The following CD86 variants were observed in gnomAD, a reference collection of about 807,000 sequenced individuals.
CD86 encodes CD86 molecule.
Under a neutral mutation model 32.1 loss-of-function variants are expected in CD86, and 11 were observed. The ratio of observed to expected loss-of-function variants is 0.34; its 90% CI spans 0.22 to 0.57. CD86 has a LOEUF of 0.57. Among genes scored for constraint, CD86 ranks in the 20% least tolerant of loss-of-function variants. CD86 has a pLI of 0.86. For synonymous variants in CD86, 137 were observed against 135.3 expected (o/e 1.01, Z -0.09); for missense variants, 359 against 398.4 (o/e 0.90, Z 0.84).
intron 2 of CD86, among the ~76,000 whole-genome samples, chr3:122,096,291 T>C (rs956918146): frequency 6.6e-6 from 1 of 152,216 alleles, no homozygotes; most frequent in African/African-American, 2.4e-5. Context: ...GTGCCCAGGC[T>C]GGTCTTGAAC....
intron 1 of CD86, among the ~76,000 whole-genome samples, chr3:122,077,216 A>T (rs977476551): frequency 6.6e-6 from 1 of 152,166 alleles, no homozygotes; most frequent in Non-Finnish European, 1.5e-5. Context: ...CTGGGGGAGG[A>T]TCACATACGA....
At chr3:122,088,193 T>C (rs2072755941) in intron 1 of CD86, among the ~76,000 whole-genome samples, 1 of 151,368 alleles carries the variant, frequency 6.6e-6, no homozygotes, top group African/African-American at 2.4e-5. Flanking sequence ...TTTTTTTTTT[T>C]TTTTTTTTTG....
intron 1 of CD86, among the ~76,000 whole-genome samples, chr3:122,075,954 T>C (rs1363505123): frequency 1.3e-5 from 2 of 152,182 alleles, no homozygotes; most frequent in East Asian, 3.8e-4. Context: ...CTATGAGATA[T>C]TTAGTATTAC....
chr3:122,065,666 G>A (rs542251215), intron 1 of CD86, among the ~76,000 whole-genome samples: 29 of 152,290 alleles, frequency 1.9e-4, no homozygotes, highest in African/African-American at 6.3e-4. Flanking sequence ...GCTTTGGTCT[G>A]GAAAGTGAGG....
chr3:122,064,481 G>A (rs560812825), intron 1 of CD86, among the ~76,000 whole-genome samples: 1 of 152,194 alleles, frequency 6.6e-6, no homozygotes, highest in South Asian at 2.1e-4. Context: ...TGACAGAAGT[G>A]AGTGATGCAG....
At chr3:122,101,504 AAAAAAAAAAATATATATAT>A (rs2073001596) in intron 2 of CD86, among the ~76,000 whole-genome samples, 2 of 46,956 alleles carry the variant, frequency 4.3e-5, no homozygotes, top group South Asian at 9.6e-4. Flanking sequence ...AGAAAAAAAA[AAAAAAAAAAATATATATAT>A]ATATATATAT....
intron 1 of CD86, among the ~76,000 whole-genome samples, chr3:122,089,529 G>A (rs1472232422): frequency 6.6e-6 from 1 of 150,390 alleles, no homozygotes; most frequent in African/African-American, 2.5e-5. Flanking sequence ...CTTATGAGAT[G>A]TAATTTCACC....
intron 5 of CD86, among the ~76,000 whole-genome samples, chr3:122,113,721 A>C (rs2073208801): frequency 2.0e-5 from 3 of 152,210 alleles, no homozygotes; most frequent in African/African-American, 7.2e-5. Flanking sequence ...CAAAAATAGA[A>C]CATAACCAGA....
intron 4 of CD86, among the ~76,000 whole-genome samples, chr3:122,107,085 G>T (rs541188872): frequency 2.6e-5 from 4 of 152,222 alleles, no homozygotes; most frequent in African/African-American, 9.6e-5. Context: ...GGAAATATCT[G>T]ACTAAATTTA....
At chr3:122,069,034 C>A (rs1199847551) in intron 1 of CD86, among the ~76,000 whole-genome samples, 1 of 152,208 alleles carries the variant, frequency 6.6e-6, no homozygotes, top group Non-Finnish European at 1.5e-5. Context: ...TAGCTAGAAT[C>A]TACCTCATGC....
chr3:122,109,496 C>T, intron 5 of CD86, 88 bp downstream of exon 5: 1 of 1,455,570 alleles, frequency 6.9e-7, no homozygotes, highest in Non-Finnish European at 9.5e-7. Flanking sequence ...GTTGGCTGAG[C>T]CTAGACTGGC....
rs2073332087 is a variant in CD86 at position 122,120,735 on chromosome 3, T to TAGCCTAC, written c.*1204_*1210dup. The TAGCCTAC allele has an allele frequency of 6.6e-6, 1 of 152,416 alleles. No homozygotes were observed. Among genetic ancestry groups the TAGCCTAC allele is most frequent in the Non-Finnish European group, 1.5e-5 (1 of 68,178 alleles). The allele number at this position is 152,416 out of a possible 1,614,324, so 9.4% of individuals were successfully genotyped here. On this transcript the variant is annotated 3_prime_UTR_variant, in exon 7 of 7. Coordinates refer to ENST00000330540, the MANE Select transcript of CD86 (RefSeq NM_175862.5). Reference sequence around the variant, plus strand: ...AGACACAGATCACCCGGGGCTTACTTAGCCTACAGATGTCCTACGGGAACG... The same window carrying TAGCCTAC: ...AGACACAGATCACCCGGGGCTTACTTAGCCTACAGCCTACAGATGTCCTACGGGAACG...
chr3:122,103,778 A>G lies in CD86; in HGVS notation c.331A>G (p.Ile111Val). The change falls in exon 3 of 7, where the codon ATC becomes GTC. Residue 111 changes from isoleucine to valine, a missense_variant. Transcript: ENST00000330540. ...QIKDKGLYQCIIHHKKPTGMI... is the reference protein window; with the variant it reads ...QIKDKGLYQCVIHHKKPTGMI... ...CAAGGACAAGGGCTTGTATCAATGTATCATCCATCACAAAAAGCCCACAGG... is the reference window on the plus strand; with the variant it reads ...CAAGGACAAGGGCTTGTATCAATGTGTCATCCATCACAAAAAGCCCACAGG... 6.2e-7 allele frequency: 1 copy of G among 1,614,058 alleles called. No individual in the cohort carries two copies.
chr3:122,119,769 G>A lies in CD86; in HGVS notation c.*235G>A, dbSNP rs2073314792. On this transcript the variant is annotated 3_prime_UTR_variant, in exon 7 of 7. Transcript: ENST00000330540. Reference sequence around the variant, plus strand: ...TTTTCACTTCAGAGCACACTTATGGGCCAAGCCCAGCTTAATGGCTCATGA... The same window carrying A: ...TTTTCACTTCAGAGCACACTTATGGACCAAGCCCAGCTTAATGGCTCATGA... 2.5e-6 allele frequency: 1 copy of A among 399,988 alleles called. No homozygotes were observed. Among genetic ancestry groups the A allele is most frequent in the Non-Finnish European group, 4.4e-6 (1 of 228,150 alleles). 24.8% of individuals were successfully genotyped at this position (399,988 alleles called of 1,614,324 possible).
chr3:122,069,678 C>A (rs115987758), intron 1 of CD86, among the ~76,000 whole-genome samples: 2 of 152,162 alleles, frequency 1.3e-5, no homozygotes, highest in African/African-American at 4.8e-5. Flanking sequence ...GTCCAGGTTA[C>A]CCCTGGCCCC....
chr3:122,106,431 A>G lies in CD86; in HGVS notation c.634A>G (p.Ser212Gly). The G allele has an allele frequency of 1.2e-6, 2 of 1,614,128 alleles. No homozygotes were observed. The highest frequency in any genetic ancestry group is 3.3e-5 in the Admixed American group (2 of 60,020). Residue 212 changes from serine (S) to glycine (G), a missense_variant, in exon 4 of 7, where the codon AGC becomes GGC. Coordinates refer to ENST00000330540, the MANE Select transcript of CD86 (RefSeq NM_175862.5). The stretch of plus-strand genomic sequence containing the variant: ...GTCTGTTTCATTCCCTGATGTTACG[A>G]GCAATATGACCATCTTCTGTATTCT... ...SLSVSFPDVT[S>G]NMTIFCILET...
intron 1 of CD86, among the ~76,000 whole-genome samples, chr3:122,087,389 A>T (rs1163994364): frequency 6.6e-6 from 1 of 152,076 alleles, no homozygotes; most frequent in African/African-American, 2.4e-5. Context: ...GGAGAAAGTT[A>T]TGGCTTCTGG....
intron 1 of CD86, among the ~76,000 whole-genome samples, chr3:122,073,807 T>C (rs1490073130): frequency 6.6e-6 from 1 of 152,184 alleles, no homozygotes; most frequent in South Asian, 2.1e-4. Context: ...TAGATTATAT[T>C]ATGCATAGGA....
intron 1 of CD86, among the ~76,000 whole-genome samples, chr3:122,063,611 TA>T (rs35190602): frequency 0.25 from 37,306 of 148,576 alleles, 4,689 homozygotes; most frequent in African/African-American, 0.28. Context: ...TTTTTTTTTT[TA>T]AAGACAGAGT....
Sources: allele counts gnomAD v4.1 joint callset (sites outside exome capture counted in the v4.1 genomes callset), GRCh38; gene constraint gnomAD v4.1.1; transcripts MANE v1.5; gene names NCBI Gene and HGNC (gene_info 2026-07-23, HGNC 2026-07-21).